Variants in ATOSA observed in about 807,000 individuals in gnomAD.
ATOSA encodes the protein atos homolog A.
At chr15:52,603,677 C>T in the ATOSA span, among the ~76,000 whole-genome samples, 1 of 152,114 alleles carries the variant, frequency 6.6e-6, no homozygotes, top group African/African-American at 2.4e-5. Flanking sequence ...TCATTTGCAA[C>T]AATATGAATG....
the ATOSA span, among the ~76,000 whole-genome samples, chr15:52,591,818 C>T: frequency 6.6e-6 from 1 of 152,100 alleles, no homozygotes; most frequent in East Asian, 1.9e-4. Context: ...GGTAAATGAA[C>T]AGGTAGCATA....
chr15:52,637,428 T>C, the ATOSA span, among the ~76,000 whole-genome samples: 1 of 152,240 alleles, frequency 6.6e-6, no homozygotes, highest in Admixed American at 6.5e-5. Context: ...AACCCCAAAT[T>C]TGCTCGTCCT....
At chr15:52,587,489 G>A in the ATOSA span, 1 of 240,452 alleles carries the variant, frequency 4.2e-6, no homozygotes, top group Admixed American at 5.6e-5. Flanking sequence ...AAAGAAAGAA[G>A]TTCCTAACTA....
the ATOSA span, among the ~76,000 whole-genome samples, chr15:52,644,115 G>T: frequency 6.6e-6 from 1 of 150,864 alleles, no homozygotes. Context: ...TTGGAAAGAT[G>T]GTCTTTCTAT....
the ATOSA span, among the ~76,000 whole-genome samples, chr15:52,592,952 G>A: frequency 6.6e-6 from 1 of 152,104 alleles, no homozygotes; most frequent in African/African-American, 2.4e-5. Context: ...TTCAAGACCA[G>A]CCTGGGCAAT....
chr15:52,689,800 T>C, the ATOSA span, among the ~76,000 whole-genome samples: 6 of 152,214 alleles, frequency 3.9e-5, no homozygotes, highest in Admixed American at 3.3e-4. Flanking sequence ...AAGGTAGTGA[T>C]GTGCATCAGA....
At chr15:52,637,748 T>C in the ATOSA span, among the ~76,000 whole-genome samples, 3 of 152,192 alleles carry the variant, frequency 2.0e-5, no homozygotes, top group Non-Finnish European at 4.4e-5. Flanking sequence ...AGTTTAAAAG[T>C]CACTTAGTAG....
At chr15:52,617,803 T>C in the ATOSA span, among the ~76,000 whole-genome samples, 1 of 148,330 alleles carries the variant, frequency 6.7e-6, no homozygotes, top group Non-Finnish European at 1.5e-5. Flanking sequence ...TTATATAATT[T>C]ATTACTAATT....
the ATOSA span, among the ~76,000 whole-genome samples, chr15:52,637,632 CTT>C: frequency 3.3e-5 from 5 of 152,150 alleles, no homozygotes; most frequent in Admixed American, 6.6e-5. Flanking sequence ...CTTTACCTCT[CTT>C]GTTAGAATTC....
At chr15:52,647,467 A>G in the ATOSA span, among the ~76,000 whole-genome samples, 1 of 152,238 alleles carries the variant, frequency 6.6e-6, no homozygotes, top group African/African-American at 2.4e-5. Flanking sequence ...TTAGTCTTAA[A>G]TTTTAATATT....
chr15:52,681,983 T>G, the ATOSA span, among the ~76,000 whole-genome samples: 3 of 152,218 alleles, frequency 2.0e-5, no homozygotes, highest in Non-Finnish European at 4.4e-5. Context: ...GATTGGTACC[T>G]TCTTCTTTCT....
chr15:52,611,033 T>C, the ATOSA span: 79 of 1,343,922 alleles, frequency 5.9e-5, no homozygotes, highest in Admixed American at 4.5e-4. Flanking sequence ...ACATTTAGAA[T>C]TGCAGGAAAT....
At chr15:52,631,202 T>C in the ATOSA span, among the ~76,000 whole-genome samples, 1 of 152,204 alleles carries the variant, frequency 6.6e-6, no homozygotes, top group Non-Finnish European at 1.5e-5. Context: ...AATAAACCTG[T>C]TTTTAAAATT....
chr15:52,636,099 TATTAA>T, the ATOSA span, among the ~76,000 whole-genome samples: 1 of 132,730 alleles, frequency 7.5e-6, no homozygotes, highest in South Asian at 2.5e-4. Context: ...TAAAATTAAA[TATTAA>T]ATTAAAATAA....
the ATOSA span, among the ~76,000 whole-genome samples, chr15:52,686,929 A>G: frequency 1.8e-4 from 28 of 152,178 alleles, no homozygotes; most frequent in African/African-American, 6.5e-4. Context: ...TTTACCTGCA[A>G]CTCAAAATAA....
the ATOSA span, chr15:52,609,926 C>T: frequency 3.7e-6 from 6 of 1,610,754 alleles, no homozygotes; most frequent in Non-Finnish European, 5.1e-6. Flanking sequence ...ACTGATGTTT[C>T]TTGTGATTTT....
chr15:52,604,196 C>T, the ATOSA span, among the ~76,000 whole-genome samples: 44 of 152,238 alleles, frequency 2.9e-4, no homozygotes, highest in African/African-American at 1.0e-3. Context: ...CGGAGGCGGG[C>T]GGATCACGAG....
the ATOSA span, among the ~76,000 whole-genome samples, chr15:52,698,065 C>T: frequency 6.8e-6 from 1 of 148,024 alleles, no homozygotes; most frequent in African/African-American, 2.5e-5. Flanking sequence ...CAACCTCCAC[C>T]TCCCGGATTC....
At chr15:52,658,444 C>A in the ATOSA span, 1 of 297,094 alleles carries the variant, frequency 3.4e-6, no homozygotes. Context: ...AAGTACTTAT[C>A]ATTTGAATAC....
Sources: allele counts gnomAD v4.1 joint callset (sites outside exome capture counted in the v4.1 genomes callset), GRCh38; gene constraint gnomAD v4.1.1; transcripts MANE v1.5; gene names NCBI Gene and HGNC (gene_info 2026-07-23, HGNC 2026-07-21).